Variants in ACOX3 observed in about 807,000 individuals in gnomAD.
ACOX3 encodes the protein peroxisomal acyl-coenzyme A oxidase 3.
ACOX3 carries 73 observed loss-of-function variants against 81.5 expected under a neutral mutation model. That is an observed-to-expected ratio of 0.90 (90% CI 0.74 to 1.09). The LOEUF is 1.09. ACOX3 is among the 50% of genes least tolerant of loss of function. The pLI is 0.00. For missense variants in ACOX3, 947 were observed against 928.0 expected (o/e 1.02, Z -0.27); for synonymous variants, 387 against 375.1 (o/e 1.03, Z -0.37).
chr4:8,370,018 G>A lies in ACOX3; in HGVS notation c.1983+890C>T, dbSNP rs1715962473. ...CGCTCCTCGAGGGCATCATCAGGTG[G>A]GAGGGAGACACAAGGTCAGTGATGA... On this transcript the variant is annotated intron_variant, in intron 17 of 17. Coordinates refer to ENST00000356406, the MANE Select transcript of ACOX3 (RefSeq NM_003501.3). The surrounding 1 kb of genome is among the most constrained non-coding windows in gnomAD (Gnocchi z 6.3). Among the ~76,000 whole-genome samples, 1 of 152,244 alleles carries A rather than the reference G, an allele frequency of 6.6e-6. No individual in the cohort carries two copies. The highest frequency in any genetic ancestry group is 1.5e-5 in the Non-Finnish European group (1 of 68,050).
chr4:8,425,359 C>A (rs1035350352), intron 1 of ACOX3, among the ~76,000 whole-genome samples: 1 of 151,942 alleles, frequency 6.6e-6, no homozygotes, highest in Non-Finnish European at 1.5e-5. Context: ...GGGAACCTCA[C>A]GAGGACATAG....
chr4:8,381,485 T>C lies in ACOX3; in HGVS notation c.1653+7A>G, dbSNP rs917223632. 6.2e-7 allele frequency: 1 copy of C among 1,608,802 alleles called. No individual in the cohort carries two copies. The highest frequency in any genetic ancestry group is 8.5e-7 in the Non-Finnish European group (1 of 1,175,748). On this transcript the variant is annotated splice_region_variant and intron_variant, in intron 14 of 17. Transcript: ENST00000356406. This position sits in a 1 kb window ranked among gnomAD's most constrained non-coding sequence, Gnocchi z 4.3. The stretch of plus-strand genomic sequence containing the variant: ...TACAAAAGGGAATTTTGAAAACAAA[T>C]ACTTACCTGGCATTTGTTCCTTGCT...
downstream of ACOX3, among the ~76,000 whole-genome samples, chr4:8,362,848 C>T (rs191806892): frequency 4.7e-3 from 711 of 152,338 alleles, 3 homozygotes; most frequent in Non-Finnish European, 7.3e-3. Flanking sequence ...CTATGGAACA[C>T]AGTTCCATCA....
chr4:8,406,145 G>T lies in ACOX3; in HGVS notation c.688-102C>A. On this transcript the variant is annotated intron_variant, in intron 6 of 17. Transcript: ENST00000356406. The surrounding 1 kb of genome is among the most constrained non-coding windows in gnomAD (Gnocchi z 5.6). ...CCACAGGGTGGGCCATGGGCTCAAC[G>T]CTGGGCGGCTGTGGGTTAAACCATC... The T allele has an allele frequency of 1.8e-6, 2 of 1,115,014 alleles. No individual in the cohort carries two copies. Among genetic ancestry groups the T allele is most frequent in the Non-Finnish European group, 2.7e-6 (2 of 739,494 alleles). 69.1% of individuals were successfully genotyped at this position (1,115,014 alleles called of 1,614,324 possible). A position where few individuals can be genotyped will look rare whatever the true frequency, so the allele number is the denominator to read the frequency against.
chr4:8,360,023 A>G, the ACOX3 span, among the ~76,000 whole-genome samples: 4 of 152,082 alleles, frequency 2.6e-5, no homozygotes, highest in African/African-American at 9.7e-5. Flanking sequence ...AGCTCAGCAA[A>G]CTGGTCAATT....
downstream of ACOX3, among the ~76,000 whole-genome samples, chr4:8,361,812 G>C (rs1050202412): frequency 2.0e-5 from 3 of 152,176 alleles, no homozygotes; most frequent in African/African-American, 7.2e-5. Flanking sequence ...GTGACGTTTG[G>C]CTTATTTGGT....
chr4:8,427,328 C>T (rs370688100), intron 1 of ACOX3, among the ~76,000 whole-genome samples: 6 of 152,312 alleles, frequency 3.9e-5, no homozygotes, highest in East Asian at 1.9e-4. Flanking sequence ...TCTGTTTTCA[C>T]GATATTAAAT....
intron 5 of ACOX3, among the ~76,000 whole-genome samples, chr4:8,412,559 A>AATGG (rs1301788115): frequency 2.0e-5 from 3 of 152,206 alleles, no homozygotes; most frequent in Admixed American, 6.5e-5. Flanking sequence ...TGGAAGAATG[A>AATGG]ATGGATGGAT....
chr4:8,382,234 G>A lies in ACOX3; in HGVS notation c.1538-627C>T, dbSNP rs1578878051. 6.6e-6 allele frequency among the ~76,000 whole-genome samples: 1 copy of A among 152,202 alleles called. No homozygotes were observed. Among genetic ancestry groups the A allele is most frequent in the Non-Finnish European group, 1.5e-5 (1 of 68,020 alleles). ...GCAGACAGGGAGGCCCCGGGGTGGG[G>A]TGTCAGGCAGGACAGCTGGAGACCC... is the stretch of plus-strand genomic sequence containing the variant. On this transcript the variant is annotated intron_variant, in intron 13 of 17. Coordinates refer to ENST00000356406, the MANE Select transcript of ACOX3 (RefSeq NM_003501.3). The surrounding 1 kb of genome is among the most constrained non-coding windows in gnomAD (Gnocchi z 4.1).
At chr4:8,375,284 T>C (rs1716800566) in intron 14 of ACOX3, 132 bp from the exon 15 acceptor site, 1 of 888,506 alleles carries the variant, frequency 1.1e-6, no homozygotes, top group Admixed American at 2.9e-5. Context: ...TAACATAAGG[T>C]GAGGCAGAGC....
chr4:8,399,679 T>TA lies in ACOX3; in HGVS notation c.777-28dup. 6.3e-7 allele frequency: 1 copy of TA among 1,594,524 alleles called. No homozygotes were observed. Among genetic ancestry groups the TA allele is most frequent in the Non-Finnish European group, 8.6e-7 (1 of 1,162,274 alleles). On this transcript the variant is annotated intron_variant, in intron 7 of 17. Coordinates refer to ENST00000356406, the MANE Select transcript of ACOX3 (RefSeq NM_003501.3). This position sits in a 1 kb window ranked among gnomAD's most constrained non-coding sequence, Gnocchi z 4.9. Reference sequence around the variant, plus strand: ...TGTGGGGAAGCAGCAGGGCTTCTGTTAAACAGGGGTCCTGCCCTGAGGCTC... The same window carrying TA: ...TGTGGGGAAGCAGCAGGGCTTCTGTTAAAACAGGGGTCCTGCCCTGAGGCTC...
intron 11 of ACOX3, among the ~76,000 whole-genome samples, chr4:8,390,673 A>C (rs1445353555): frequency 6.6e-6 from 1 of 152,222 alleles, no homozygotes; most frequent in East Asian, 1.9e-4. Flanking sequence ...ACTGTGATGG[A>C]AAGTGTTCTC....
chr4:8,437,468 G>A lies in ACOX3; in HGVS notation c.-15+3180C>T, dbSNP rs759162623. Among the ~76,000 whole-genome samples the A allele has an allele frequency of 4.0e-4, 61 of 152,308 alleles. No individual in the cohort carries two copies. Among genetic ancestry groups the A allele is most frequent in the Non-Finnish European group, 6.0e-4 (41 of 68,026 alleles). ...GAAAATGGGAGAGACAGCAGTGCGCGGGGGCAGGGCCTGTGCCACTGCCTG... is the reference window on the plus strand; with the variant it reads ...GAAAATGGGAGAGACAGCAGTGCGCAGGGGCAGGGCCTGTGCCACTGCCTG... On this transcript the variant is annotated intron_variant, in intron 1 of 17. Coordinates refer to ENST00000356406, the MANE Select transcript of ACOX3 (RefSeq NM_003501.3). This position sits in a 1 kb window ranked among gnomAD's most constrained non-coding sequence, Gnocchi z 5.2.
At chr4:8,371,174 G>A (rs78892737) in intron 16 of ACOX3, among the ~76,000 whole-genome samples, 180 bp from the exon 17 acceptor site, 87 of 152,282 alleles carry the variant, frequency 5.7e-4, no homozygotes, top group African/African-American at 2.0e-3. Context: ...CCCTTGCTGT[G>A]CACTGGAATG....
rs201204597 is a variant in ACOX3, at chr4:8,407,031, C to T, written c.688-988G>A. Among the ~76,000 whole-genome samples, 7 of 152,248 alleles carry T rather than the reference C, an allele frequency of 4.6e-5. No individual in the cohort carries two copies. In the East Asian group the frequency reaches 5.8e-4, roughly 13 times the overall value. ...TGTTTTTCCTTGACACTTATGCTAC[C>T]GCTAGACCACGGTCTGCTTGGCAAC... is the stretch of plus-strand genomic sequence containing the variant. On this transcript the variant is annotated intron_variant, in intron 6 of 17. Coordinates refer to ENST00000356406, the MANE Select transcript of ACOX3 (RefSeq NM_003501.3). The surrounding 1 kb of genome is among the most constrained non-coding windows in gnomAD (Gnocchi z 4.6).
At position 8,389,486 on chromosome 4, in the gene ACOX3, T is replaced by C; in HGVS notation, c.1423+126A>G. On this transcript the variant is annotated intron_variant, in intron 12 of 17. Coordinates refer to ENST00000356406, the MANE Select transcript of ACOX3 (RefSeq NM_003501.3). The surrounding 1 kb of genome is among the most constrained non-coding windows in gnomAD (Gnocchi z 5.3). Reference sequence around the variant, plus strand: ...TGGGGAGTTGGTCGGCACTATCTAATAACATTTCTTTCCTTCTGCAAACCT... The same window carrying C: ...TGGGGAGTTGGTCGGCACTATCTAACAACATTTCTTTCCTTCTGCAAACCT... 1 of 1,499,790 alleles carries C rather than the reference T, an allele frequency of 6.7e-7. No individual in the cohort carries two copies. The highest frequency in any genetic ancestry group is 2.3e-5 in the East Asian group (1 of 43,896). The allele number at this position is 1,499,790 out of a possible 1,614,324, so 92.9% of individuals were successfully genotyped here.
At chr4:8,395,783 A>G (rs748778861) in intron 9 of ACOX3, among the ~76,000 whole-genome samples, 1 of 152,238 alleles carries the variant, frequency 6.6e-6, no homozygotes, top group Non-Finnish European at 1.5e-5. Flanking sequence ...ACAGGCATGA[A>G]TGGCAACACT....
rs763292568 is a variant in ACOX3, at chr4:8,407,874, C to T, written c.688-1831G>A. On this transcript the variant is annotated intron_variant, in intron 6 of 17. Transcript: ENST00000356406. This position sits in a 1 kb window ranked among gnomAD's most constrained non-coding sequence, Gnocchi z 4.6. ...CATGAGACGTGCCACCTTCCCCTTC[C>T]CCACCAGGGGACACGGGTGGTGTCT... Among the ~76,000 whole-genome samples, 24 of 152,208 alleles carry T rather than the reference C, an allele frequency of 1.6e-4. No homozygotes were observed. Among genetic ancestry groups the T allele is most frequent in the Non-Finnish European group, 2.8e-4 (19 of 68,032 alleles).
rs939607337 is a variant in ACOX3, at chr4:8,384,316, C to T, written c.1538-2709G>A. ...TGTTCATGTGCAGGGGAGAAGATCC[C>T]CAAAAAGCACATGAAAGCAAACAAT... On this transcript the variant is annotated intron_variant, in intron 13 of 17. Transcript: ENST00000356406. This position sits in a 1 kb window ranked among gnomAD's most constrained non-coding sequence, Gnocchi z 5.3. 2.6e-5 allele frequency among the ~76,000 whole-genome samples: 4 copies of T among 152,074 alleles called. No homozygotes were observed. The highest frequency in any genetic ancestry group is 9.7e-5 in the African/African-American group (4 of 41,392).
Sources: allele counts gnomAD v4.1 joint callset (sites outside exome capture counted in the v4.1 genomes callset), GRCh38; gene constraint gnomAD v4.1.1; non-coding constraint Gnocchi (gnomAD v3.1); transcripts MANE v1.5; gene names NCBI Gene and HGNC (gene_info 2026-07-23, HGNC 2026-07-21).